POLE: variants seen among roughly 807,000 people sequenced by gnomAD.
POLE encodes the protein DNA polymerase epsilon catalytic subunit A.
Under a neutral mutation model 279.2 loss-of-function variants are expected in POLE, and 188 were observed. That is an observed-to-expected ratio of 0.67 (90% CI 0.60 to 0.76). The LOEUF is 0.76. Among genes scored for constraint, POLE ranks in the 30% least tolerant of loss-of-function variants. The probability of loss-of-function intolerance (pLI) is 0.00; values close to 1 mark genes in which losing one functional copy is unlikely to be tolerated. For synonymous variants in POLE, 1,214 were observed against 1,172.5 expected (o/e 1.04, Z -0.72); for missense variants, 2,703 against 3,016.7 (o/e 0.90, Z 2.44).
intron 25 of POLE, 42 bp downstream of exon 25, chr12:132,660,927 T>C (rs1306385325): frequency 1.3e-6 from 2 of 1,484,888 alleles, no homozygotes; most frequent in African/African-American, 2.8e-5. Context: ...TGCTTCATCC[T>C]TCATCCCTCA....
rs996913265 is a variant in POLE at position 132,677,801 on chromosome 12, G to A, written c.579-82C>T. The A allele has an allele frequency of 5.2e-6, 7 of 1,334,874 alleles. No individual in the cohort carries two copies. In the Admixed American group the frequency reaches 9.5e-5, roughly 18 times the overall value. 82.7% of individuals were successfully genotyped at this position (1,334,874 alleles called of 1,614,324 possible). A position where few individuals can be genotyped will look rare whatever the true frequency, so the allele number is the denominator to read the frequency against. ...CCAGAGTTCCAACTCAGTAGGAAGA[G>A]GTGAGACCAGAGTTCAAACCGAGGA... On this transcript the variant is annotated intron_variant, in intron 6 of 48. Transcript: ENST00000320574.
intron 29 of POLE, among the ~76,000 whole-genome samples, chr12:132,656,054 G>A (rs1037442726): frequency 5.9e-5 from 9 of 151,690 alleles, no homozygotes; most frequent in East Asian, 1.9e-4. Flanking sequence ...ATGGTGGTGC[G>A]TGCCTATAAT....
chr12:132,659,556 G>T, intron 25 of POLE, 47 bp from the exon 26 acceptor site: 1 of 1,521,688 alleles, frequency 6.6e-7, no homozygotes, highest in Non-Finnish European at 9.1e-7. Context: ...AAGGGGCAGA[G>T]TCTGAGCTCA....
intron 9 of POLE, 151 bp from the exon 10 acceptor site, chr12:132,676,355 G>T: frequency 1.4e-6 from 1 of 722,518 alleles, no homozygotes; most frequent in Non-Finnish European, 2.4e-6. Context: ...GAGAAGAGAC[G>T]CTCTGTGTGT....
chr12:132,675,342 C>A lies in POLE; in HGVS notation c.1226+56G>T. 6.3e-7 allele frequency: 1 copy of A among 1,592,052 alleles called. No homozygotes were observed. Among genetic ancestry groups the A allele is most frequent in the Non-Finnish European group, 8.6e-7 (1 of 1,169,026 alleles). On this transcript the variant is annotated intron_variant, in intron 12 of 48. Coordinates refer to ENST00000320574, the MANE Select transcript of POLE (RefSeq NM_006231.4). This position sits in a 1 kb window ranked among gnomAD's most constrained non-coding sequence, Gnocchi z 4.3. ...GGTGACAGCACAGTCTGCAAGAGGCCTTCAGATCTCGCTCACGGACAGCAG... is the reference window on the plus strand; with the variant it reads ...GGTGACAGCACAGTCTGCAAGAGGCATTCAGATCTCGCTCACGGACAGCAG...
At chr12:132,670,821 T>C (rs1369540853) in intron 16 of POLE, among the ~76,000 whole-genome samples, 2 of 152,182 alleles carry the variant, frequency 1.3e-5, no homozygotes, top group Non-Finnish European at 2.9e-5. Flanking sequence ...TATTTGTTAT[T>C]CAGACAAGGC....
At chr12:132,680,406 A>G in intron 3 of POLE, 184 bp from the exon 4 acceptor site, 1 of 668,930 alleles carries the variant, frequency 1.5e-6, no homozygotes. Context: ...AAGACACGCT[A>G]CTTCTCACCA....
intron 1 of POLE, among the ~76,000 whole-genome samples, chr12:132,682,479 C>T (rs928422107): frequency 3.8e-4 from 57 of 150,718 alleles, no homozygotes; most frequent in African/African-American, 1.2e-3. Context: ...AGTGAAACTT[C>T]GTCTCAAAAA....
In POLE at chr12:132,665,462, A is replaced by T; in HGVS notation, c.2320-12T>A. On this transcript the variant is annotated splice_polypyrimidine_tract_variant and intron_variant, in intron 20 of 48. Transcript: ENST00000320574. ...TTCTTTTTCCACACCTGAGAAGCACATGAACATGGAGCACCTCACAGATTC... is the reference window on the plus strand; with the variant it reads ...TTCTTTTTCCACACCTGAGAAGCACTTGAACATGGAGCACCTCACAGATTC... The T allele has an allele frequency of 6.2e-7, 1 of 1,601,652 alleles. No homozygotes were observed.
At chr12:132,665,039 G>T (rs909951320) in intron 21 of POLE, among the ~76,000 whole-genome samples, 1 of 152,042 alleles carries the variant, frequency 6.6e-6, no homozygotes, top group African/African-American at 2.4e-5. Context: ...CTGGAAAATG[G>T]CAAGTCGTGT....
Position 132,687,335 on chromosome 12 carries a change from T to C in POLE, c.-20A>G. On this transcript the variant is annotated 5_prime_UTR_variant, in exon 1 of 49. Transcript: ENST00000320574. The stretch of plus-strand genomic sequence containing the variant: ...AGACATGGAGCCGTTGGCTACCACC[T>C]CTGCTTCAGGGGAGAAATTTGGCGC... The C allele has an allele frequency of 6.7e-7, 1 of 1,490,510 alleles. No homozygotes were observed. Among genetic ancestry groups the C allele is most frequent in the Non-Finnish European group, 8.9e-7 (1 of 1,118,122 alleles). The allele number at this position is 1,490,510 out of a possible 1,614,324, so 92.3% of individuals were successfully genotyped here. A position where few individuals can be genotyped will look rare whatever the true frequency, so the allele number is the denominator to read the frequency against.
In POLE at chr12:132,668,345, C is replaced by G. The variant is rs1057522621; in HGVS notation, c.2173+11G>C. The G allele has an allele frequency of 7.7e-6, 12 of 1,558,996 alleles. No homozygotes were observed. The highest frequency in any genetic ancestry group is 2.3e-5 in the East Asian group (1 of 43,982). On this transcript the variant is annotated intron_variant, in intron 19 of 48. Transcript: ENST00000320574. The surrounding 1 kb of genome is among the most constrained non-coding windows in gnomAD (Gnocchi z 4.0). ...ACATCTTTACAGCCGTGACCATGCCCAGGCACTCACCCGCCAGCCTTCTCT... is the reference window on the plus strand; with the variant it reads ...ACATCTTTACAGCCGTGACCATGCCGAGGCACTCACCCGCCAGCCTTCTCT...
intron 32 of POLE, among the ~76,000 whole-genome samples, chr12:132,644,496 GAC>G (rs1183499580): frequency 6.6e-6 from 1 of 152,110 alleles, no homozygotes; most frequent in Non-Finnish European, 1.5e-5. Flanking sequence ...TCTGAGAATA[GAC>G]AAGAGCTGTC....
intron 29 of POLE, chr12:132,651,109 C>G (rs544409905): frequency 1.1e-4 from 16 of 152,246 alleles, no homozygotes; most frequent in African/African-American, 3.9e-4. Flanking sequence ...CTCCTGACCT[C>G]AAGTGATCCA....
chr12:132,655,526 T>C (rs567419483), intron 29 of POLE, among the ~76,000 whole-genome samples: 134 of 152,348 alleles, frequency 8.8e-4, no homozygotes, highest in Non-Finnish European at 1.6e-3. Flanking sequence ...TCCAAACATA[T>C]TTTTGCTGAT....
At chr12:132,666,211 G>A (rs1438774352) in intron 20 of POLE, among the ~76,000 whole-genome samples, 3 of 152,188 alleles carry the variant, frequency 2.0e-5, no homozygotes, top group African/African-American at 7.2e-5. Context: ...GACAAAATGT[G>A]ACAAATCCAC....
In POLE at chr12:132,626,205, C is replaced by T. The variant is rs1226777955; in HGVS notation, c.6443G>A (p.Cys2148Tyr). 6.2e-7 allele frequency: 1 copy of T among 1,613,798 alleles called. No homozygotes were observed. Among genetic ancestry groups the T allele is most frequent in the Non-Finnish European group, 8.5e-7 (1 of 1,179,982 alleles). ...GACCTCAGGAAGCACGTAGGAGCGGCAGGGGTCTCGGAACTGGGCCTCCTC... is the reference window on the plus strand; with the variant it reads ...GACCTCAGGAAGCACGTAGGAGCGGTAGGGGTCTCGGAACTGGGCCTCCTC... ...FSEEAQFRDPCRSYVLPEVIC... is the reference protein window; with the variant it reads ...FSEEAQFRDPYRSYVLPEVIC... Residue 2148 changes from cysteine (C) to tyrosine (Y), a missense_variant, in exon 46 of 49, where the codon TGC (cysteine) becomes TAC (tyrosine). Physicochemically the swap from Cys to Tyr is radical, Grantham distance 194. This residue lies in a region of POLE where 1,551 missense variants were observed against 1,686.1 expected (regional missense o/e 0.92). Coordinates refer to ENST00000320574, the MANE Select transcript of POLE (RefSeq NM_006231.4).
chr12:132,643,103 A>T, intron 35 of POLE, 107 bp from the exon 36 acceptor site: 1 of 1,471,052 alleles, frequency 6.8e-7, no homozygotes, highest in East Asian at 2.4e-5. Context: ...AATCACGACA[A>T]GCACTCATGG....
At chr12:132,667,789 C>T in intron 19 of POLE, 141 bp from the exon 20 acceptor site, 1 of 939,956 alleles carries the variant, frequency 1.1e-6, no homozygotes, top group Non-Finnish European at 1.6e-6. Context: ...GTTTCTCATA[C>T]CGAAAAAGGT....
Sources: allele counts gnomAD v4.1 joint callset (sites outside exome capture counted in the v4.1 genomes callset), GRCh38; gene constraint gnomAD v4.1.1; regional missense constraint gnomAD v4.1.1; non-coding constraint Gnocchi (gnomAD v3.1); transcripts MANE v1.5; gene names NCBI Gene and HGNC (gene_info 2026-07-23, HGNC 2026-07-21).